Variants in SLC25A40 observed in about 807,000 individuals in gnomAD.
The protein encoded by SLC25A40 is mitochondrial glutathione transporter SLC25A40.
Under a neutral mutation model 46.5 loss-of-function variants are expected in SLC25A40, and 41 were observed. The observed-to-expected ratio is 0.88, with a 90% CI of 0.69 to 1.14. The LOEUF is 1.14. Ranked by LOEUF, SLC25A40 falls within the 50% of genes most tolerant of loss-of-function variation. SLC25A40 has a pLI of 0.00. For missense variants in SLC25A40, 386 were observed against 393.6 expected, an observed-to-expected ratio of 0.98 and a Z score of 0.16; for synonymous variants, 126 against 127.5, an observed-to-expected ratio of 0.99 and a Z score of 0.08.
chr7:87,841,551 C>A, intron 10 of SLC25A40, 82 bp downstream of exon 10: 1 of 730,392 alleles, frequency 1.4e-6, no homozygotes, highest in East Asian at 3.4e-5. Flanking sequence ...ATCTTGTTTT[C>A]CTTATTTTAG....
intron 2 of SLC25A40, among the ~76,000 whole-genome samples, 186 bp from the exon 3 acceptor site, chr7:87,858,937 C>T (rs1316225472): frequency 6.6e-6 from 1 of 152,122 alleles, no homozygotes; most frequent in Admixed American, 6.6e-5. Context: ...CAGCCTCATA[C>T]ACACTACTAA....
At chr7:87,873,248 A>C (rs1450876704) in intron 1 of SLC25A40, among the ~76,000 whole-genome samples, 1 of 152,132 alleles carries the variant, frequency 6.6e-6, no homozygotes, top group Non-Finnish European at 1.5e-5. Flanking sequence ...AAGAAAAAAA[A>C]AGTGATAAGT....
chr7:87,854,274 T>A lies in SLC25A40; in HGVS notation c.194A>T (p.His65Leu). ...GCCTCCCTCTTCACAGACACATAGA[T>A]GATCCATGAGTCCATTACTATATAC... ...CFVYSNGLMD[H>L]LCVCEEGGNK... Residue 65 changes from histidine (H) to leucine (L), a missense_variant, in exon 5 of 12, where the codon CAT becomes CTT. His to Leu is a moderately conservative substitution (Grantham distance 99, BLOSUM62 -3). Coordinates refer to ENST00000341119, the MANE Select transcript of SLC25A40 (RefSeq NM_018843.4). 4.3e-6 allele frequency: 7 copies of A among 1,613,338 alleles called. No homozygotes were observed. Among genetic ancestry groups the A allele is most frequent in the Non-Finnish European group, 5.9e-6 (7 of 1,179,504 alleles).
Position 87,836,786 on chromosome 7 carries a change from G to A in SLC25A40, c.848C>T (p.Thr283Ile). 1 of 1,521,430 alleles carries A rather than the reference G, an allele frequency of 6.6e-7. No homozygotes were observed. The highest frequency in any genetic ancestry group is 1.3e-5 in the South Asian group (1 of 77,366). The allele number at this position is 1,521,430 out of a possible 1,614,324, so 94.2% of individuals were successfully genotyped here. A position where few individuals can be genotyped will look rare whatever the true frequency, so the allele number is the denominator to read the frequency against. The change falls in exon 11 of 12, where the codon ACC becomes ATC. Residue 283 changes from threonine to isoleucine, a missense_variant. Thr to Ile is a moderately conservative substitution (Grantham distance 89, BLOSUM62 -1). Coordinates refer to ENST00000341119, the MANE Select transcript of SLC25A40 (RefSeq NM_018843.4). ...HKISMPLHMS[T>I]WIIMKNIVAK... is the part of the protein sequence containing the mutation. The stretch of plus-strand genomic sequence containing the variant: ...AACAATGTTCTTCATTATAATCCAG[G>A]TTGACATATGCAAAGGCATAGAAAC...
intron 1 of SLC25A40, among the ~76,000 whole-genome samples, chr7:87,871,851 T>A (rs184152819): frequency 6.6e-6 from 1 of 152,240 alleles, no homozygotes; most frequent in South Asian, 2.1e-4. Context: ...TTTTCTTTAG[T>A]AGATATAAGA....
intron 1 of SLC25A40, among the ~76,000 whole-genome samples, chr7:87,865,566 T>C (rs983150527): frequency 1.3e-5 from 2 of 152,074 alleles, no homozygotes; most frequent in Admixed American, 6.6e-5. Context: ...AGGCCACAAG[T>C]TTGAGACCTG....
chr7:87,861,887 TAATG>T (rs1389744957), intron 1 of SLC25A40, among the ~76,000 whole-genome samples: 1 of 152,128 alleles, frequency 6.6e-6, no homozygotes, highest in Non-Finnish European at 1.5e-5. Flanking sequence ...TTAGAATAGT[TAATG>T]AAATTGTTTC....
chr7:87,875,811 G>C (rs1019244744), intron 1 of SLC25A40, among the ~76,000 whole-genome samples: 1 of 152,202 alleles, frequency 6.6e-6, no homozygotes, highest in Non-Finnish European at 1.5e-5. Flanking sequence ...CTGCCGTCAA[G>C]GCCGGGGCCG....
At chr7:87,836,498 G>C in intron 11 of SLC25A40, 137 bp from the exon 12 acceptor site, 1 of 602,348 alleles carries the variant, frequency 1.7e-6, no homozygotes, top group Non-Finnish European at 2.7e-6. Flanking sequence ...TGGTAGAAAA[G>C]ACTGCTCACT....
chr7:87,867,634 T>C (rs1161826952), intron 1 of SLC25A40, among the ~76,000 whole-genome samples: 1 of 152,232 alleles, frequency 6.6e-6, no homozygotes, highest in Non-Finnish European at 1.5e-5. Context: ...GTTCCCTATT[T>C]GTTATTTCCT....
chr7:87,847,050 A>G lies in SLC25A40; in HGVS notation c.530T>C (p.Val177Ala). 3.1e-6 allele frequency: 5 copies of G among 1,613,864 alleles called. No homozygotes were observed. The highest frequency in any genetic ancestry group is 4.2e-6 in the Non-Finnish European group (5 of 1,179,874). The change falls in exon 8 of 12, where the codon GTG becomes GCG. Residue 177 changes from valine (V) to alanine (A), a missense_variant. Val to Ala is a moderately conservative substitution (Grantham distance 64). Transcript: ENST00000341119. ...TKMQSKKFSY[V>A]ELHRFVSKKV... ...CTTGCTGACAAATCGATGCAGTTCC[A>G]CGTAAGAAAACTTCTTGGACTGCAT...
chr7:87,875,101 G>C (rs1055155668), intron 1 of SLC25A40, among the ~76,000 whole-genome samples: 9 of 152,156 alleles, frequency 5.9e-5, no homozygotes, highest in African/African-American at 2.2e-4. Flanking sequence ...CACCACTCAA[G>C]ATCTGTTAAC....
intron 8 of SLC25A40, 72 bp from the exon 9 acceptor site, chr7:87,843,935 G>T (rs762951799): frequency 9.6e-5 from 136 of 1,413,954 alleles, no homozygotes; most frequent in Non-Finnish European, 1.2e-4. Context: ...GAGTTATGAG[G>T]TTATATATTC....
intron 9 of SLC25A40, chr7:87,842,031 T>G (rs186630778): frequency 1.9e-3 from 722 of 384,064 alleles, no homozygotes; most frequent in Non-Finnish European, 2.5e-3. Flanking sequence ...CTCCTTTGTG[T>G]TCTATTATTC....
intron 8 of SLC25A40, among the ~76,000 whole-genome samples, chr7:87,844,658 A>G (rs1450219617): frequency 6.6e-6 from 1 of 152,142 alleles, no homozygotes; most frequent in Non-Finnish European, 1.5e-5. Flanking sequence ...ATAGTAAGAC[A>G]AAGCAGAATT....
intron 6 of SLC25A40, among the ~76,000 whole-genome samples, chr7:87,848,354 C>T (rs1376694761): frequency 1.3e-5 from 2 of 152,056 alleles, no homozygotes; most frequent in Admixed American, 6.6e-5. Flanking sequence ...GAGCCGAGAT[C>T]GTGCCACTGC....
At position 87,847,004 on chromosome 7, in the gene SLC25A40, C is replaced by A. The variant is rs1035790230; in HGVS notation, c.576G>T (p.Trp192Cys). 1.2e-6 allele frequency: 2 copies of A among 1,613,688 alleles called. No individual in the cohort carries two copies. Among genetic ancestry groups the A allele is most frequent in the Non-Finnish European group, 1.7e-6 (2 of 1,179,790 alleles). The change falls in exon 8 of 12, where the codon TGG becomes TGT. Residue 192 changes from tryptophan to cysteine, a missense_variant. By Grantham distance (215) the Trp-to-Cys change is radical. Coordinates refer to ENST00000341119, the MANE Select transcript of SLC25A40 (RefSeq NM_018843.4). ...GAGCCCAGCCCCTCCAAAGGGAAATCCAACCATCTTCAGATACTTTCTTGC... is the reference window on the plus strand; with the variant it reads ...GAGCCCAGCCCCTCCAAAGGGAAATACAACCATCTTCAGATACTTTCTTGC... ...FVSKKVSEDG[W>C]ISLWRGWAPT...
chr7:87,854,182 CTAAGGAATA>C lies in SLC25A40; in HGVS notation c.264+13_264+21del. 1 of 1,405,288 alleles carries C rather than the reference CTAAGGAATA, an allele frequency of 7.1e-7. No homozygotes were observed. Among genetic ancestry groups the C allele is most frequent in the Non-Finnish European group, 1.0e-6 (1 of 993,530 alleles). 87.1% of individuals were successfully genotyped at this position (1,405,288 alleles called of 1,614,324 possible). On this transcript the variant is annotated intron_variant, in intron 5 of 11. Coordinates refer to ENST00000341119, the MANE Select transcript of SLC25A40 (RefSeq NM_018843.4). The stretch of plus-strand genomic sequence containing the variant: ...ATTAAATAGAAAATATACTGTGATT[CTAAGGAATA>C]TAATCACCTTACCAATGTTCCCTGG...
rs557099052 is a variant in SLC25A40 at position 87,849,030 on chromosome 7, A to G, written c.332+851T>C. Among the ~76,000 whole-genome samples, 6 of 152,374 alleles carry G rather than the reference A, an allele frequency of 3.9e-5. No individual in the cohort carries two copies. The South Asian group carries it at 1.0e-3, about 26-fold the overall frequency. On this transcript the variant is annotated intron_variant, in intron 6 of 11. Coordinates refer to ENST00000341119, the MANE Select transcript of SLC25A40 (RefSeq NM_018843.4). Reference sequence around the variant, plus strand: ...TTATTATTTTACATTTTTACATTCAATATTAACAGTTTATCATATTAATTC... The same window carrying G: ...TTATTATTTTACATTTTTACATTCAGTATTAACAGTTTATCATATTAATTC...
Sources: gnomAD v4.1 joint callset for allele counts (sites outside exome capture counted in the v4.1 genomes callset) on GRCh38, gnomAD v4.1.1 for gene constraint, MANE v1.5 for transcripts, NCBI Gene and HGNC (gene_info 2026-07-23, HGNC 2026-07-21) for gene names.